Variants in PCDHA6 observed in about 807,000 individuals in gnomAD.
PCDHA6 encodes protocadherin alpha 6.
A neutral mutation model predicts 60.3 loss-of-function variants in PCDHA6; 55 were observed. That is an observed-to-expected ratio of 0.91 (90% CI 0.73 to 1.14). The LOEUF is 1.14. Ranked by LOEUF, PCDHA6 falls within the 50% of genes most tolerant of loss-of-function variation. The pLI, the probability that PCDHA6 is intolerant of heterozygous loss-of-function variation, is 0.00. For synonymous variants in PCDHA6, 652 were observed against 557.9 expected, an observed-to-expected ratio of 1.17 and a Z score of -2.38; for missense variants, 1,327 against 1,256.5, an observed-to-expected ratio of 1.06 and a Z score of -0.85.
At chr5:140,830,868 G>A (rs2150190199) in intron 1 of PCDHA6, 7 of 153,410 alleles carry the variant, frequency 4.6e-5, no homozygotes, top group African/African-American at 9.6e-5. Context: ...ATCATATATT[G>A]AAATTTGAGC....
intron 1 of PCDHA6, chr5:140,968,366 G>A (rs145153557): frequency 7.4e-6 from 12 of 1,614,078 alleles, no homozygotes; most frequent in Non-Finnish European, 1.0e-5. Flanking sequence ...CCTTTATGCT[G>A]TCAACTCCTT....
At chr5:140,864,401 G>T (rs570935613) in intron 1 of PCDHA6, 2 of 152,328 alleles carry the variant, frequency 1.3e-5, no homozygotes, top group South Asian at 4.1e-4. Context: ...ATGGTGATGA[G>T]CAGGGTTGAG....
chr5:140,877,372 A>T, intron 1 of PCDHA6: 6 of 1,613,992 alleles, frequency 3.7e-6, no homozygotes, highest in Non-Finnish European at 5.1e-6. Flanking sequence ...GATCAGCACG[A>T]CACGCATCCT....
At chr5:140,978,694 G>A (rs1184051557) in intron 1 of PCDHA6, among the ~76,000 whole-genome samples, 1 of 152,258 alleles carries the variant, frequency 6.6e-6, no homozygotes, top group African/African-American at 2.4e-5. Context: ...GCAAGGCAAA[G>A]CCAAAGGTGG....
chr5:140,883,412 A>G, intron 1 of PCDHA6: 1 of 1,614,152 alleles, frequency 6.2e-7, no homozygotes, highest in African/African-American at 1.3e-5. Context: ...CTCTGGCTCA[A>G]ATGGACAGGT....
chr5:140,983,966 C>A (rs782428444), intron 3 of PCDHA6, among the ~76,000 whole-genome samples: 1 of 152,048 alleles, frequency 6.6e-6, no homozygotes, highest in Non-Finnish European at 1.5e-5. Flanking sequence ...CACATTTGTC[C>A]AAAAAATATA....
intron 1 of PCDHA6, among the ~76,000 whole-genome samples, chr5:140,938,890 C>T (rs979482011): frequency 5.9e-5 from 9 of 152,080 alleles, no homozygotes; most frequent in Non-Finnish European, 8.8e-5. Flanking sequence ...CACACACACA[C>T]AGATGCGCAC....
chr5:140,873,286 A>C (rs1337353218), intron 1 of PCDHA6, among the ~76,000 whole-genome samples: 3 of 152,246 alleles, frequency 2.0e-5, no homozygotes, highest in African/African-American at 7.2e-5. Flanking sequence ...ACCACTTATG[A>C]AACTTTATAA....
chr5:140,881,659 T>C (rs2058783076), intron 1 of PCDHA6, among the ~76,000 whole-genome samples: 1 of 152,240 alleles, frequency 6.6e-6, no homozygotes, highest in African/African-American at 2.4e-5. Flanking sequence ...CTTCACCGAT[T>C]TTATTCTTAT....
chr5:140,848,496 A>C, intron 1 of PCDHA6: 1 of 1,577,756 alleles, frequency 6.3e-7, no homozygotes, highest in South Asian at 1.1e-5. Context: ...AGTATTTGAA[A>C]TGTTATACTC....
chr5:140,991,642 A>T (rs2097463636), intron 3 of PCDHA6, among the ~76,000 whole-genome samples: 2 of 152,160 alleles, frequency 1.3e-5, no homozygotes, highest in South Asian at 4.1e-4. Flanking sequence ...CAATCTGTTC[A>T]TGACAATTTA....
chr5:140,882,050 T>A, intron 1 of PCDHA6: 1 of 756,750 alleles, frequency 1.3e-6, no homozygotes, highest in African/African-American at 1.8e-5. Flanking sequence ...GAGTCATACT[T>A]ACACTTACAC....
chr5:140,938,979 C>T (rs1485638673), intron 1 of PCDHA6, among the ~76,000 whole-genome samples: 2 of 152,158 alleles, frequency 1.3e-5, no homozygotes, highest in Non-Finnish European at 2.9e-5. Flanking sequence ...TCAAGGCTAT[C>T]CTGGCTTTAT....
intron 1 of PCDHA6, among the ~76,000 whole-genome samples, chr5:140,941,214 C>CCTTCTTTCTTTCTTT (rs1554214040): frequency 8.2e-6 from 1 of 122,414 alleles, no homozygotes; most frequent in Non-Finnish European, 1.7e-5. Context: ...TTTCTTTCTT[C>CCTTCTTTCTTTCTTT]CTTTCTTTCT....
intron 1 of PCDHA6, among the ~76,000 whole-genome samples, chr5:140,950,594 G>C (rs1469063256): frequency 6.6e-6 from 1 of 152,040 alleles, no homozygotes; most frequent in African/African-American, 2.4e-5. Flanking sequence ...TGGTTTAGAA[G>C]TTTGACTATG....
chr5:140,868,810 G>A lies in PCDHA6; in HGVS notation c.2394+38325G>A, dbSNP rs944762063. On this transcript the variant is annotated intron_variant, in intron 1 of 3. Transcript: ENST00000529310. Reference sequence around the variant, plus strand: ...GAATATTCCATAAATAAGCACGTTGGAAATATTTGGGGGAAGAAACCCAAA... The same window carrying A: ...GAATATTCCATAAATAAGCACGTTGAAAATATTTGGGGGAAGAAACCCAAA... 1.0e-4 allele frequency: 38 copies of A among 369,934 alleles called. No homozygotes were observed. The Admixed American group carries it at 1.3e-3, about 12-fold the overall frequency. The allele number at this position is 369,934 out of a possible 1,614,324, so 22.9% of individuals were successfully genotyped here.
chr5:140,902,637 C>T (rs1554190530), intron 1 of PCDHA6, among the ~76,000 whole-genome samples: 1 of 151,910 alleles, frequency 6.6e-6, no homozygotes, highest in Non-Finnish European at 1.5e-5. Context: ...GTGGTGATTT[C>T]TGAGATTTTG....
In PCDHA6 at chr5:140,871,059, T is replaced by A. The variant is rs781936875; in HGVS notation, c.2394+40574T>A. 4.3e-6 allele frequency: 7 copies of A among 1,613,256 alleles called. No homozygotes were observed. In the South Asian group the frequency reaches 7.7e-5, roughly 18 times the overall value. On this transcript the variant is annotated intron_variant, in intron 1 of 3. Transcript: ENST00000529310. ...ACCGACTTCTAGTACTGGTGAAGGA[T>A]CACGGTGAGCCGGCGCTGACGGCCA...
intron 1 of PCDHA6, chr5:140,877,313 C>T (rs2057018817): frequency 6.2e-7 from 1 of 1,613,836 alleles, no homozygotes; most frequent in Non-Finnish European, 8.5e-7. Flanking sequence ...TTGCAACCGG[C>T]GGCGGTCGGC....
Sources: allele counts gnomAD v4.1 joint callset (sites outside exome capture counted in the v4.1 genomes callset), GRCh38; gene constraint gnomAD v4.1.1; transcripts MANE v1.5; gene names NCBI Gene and HGNC (gene_info 2026-07-23, HGNC 2026-07-21).